Variants in RAB30 observed in about 807,000 individuals in gnomAD.
RAB30 encodes ras-related protein Rab-30.
RAB30 carries 9 observed loss-of-function variants against 25.1 expected under a neutral mutation model. The observed-to-expected ratio is 0.36, with a 90% CI of 0.22 to 0.63. The LOEUF (loss-of-function observed/expected upper bound fraction) is 0.63. RAB30 is among the 20% of genes least tolerant of loss of function. The probability of loss-of-function intolerance (pLI) is 0.69; values close to 1 mark genes in which losing one functional copy is unlikely to be tolerated. For synonymous variants in RAB30, 77 were observed against 86.4 expected, an observed-to-expected ratio of 0.89 and a Z score of 0.60; for missense variants, 140 against 243.5, an observed-to-expected ratio of 0.58 and a Z score of 2.83.
chr11:83,067,138 C>T (rs1254035651), intron 1 of RAB30, among the ~76,000 whole-genome samples: 4 of 152,160 alleles, frequency 2.6e-5, no homozygotes, highest in Admixed American at 6.5e-5. Flanking sequence ...CTAGTATTGC[C>T]AAAGTACCTC....
rs532398887 is a variant in RAB30, at chr11:82,994,831, G to A, written c.94-709C>T. On this transcript the variant is annotated intron_variant, in intron 2 of 4. Coordinates refer to ENST00000527633, the MANE Select transcript of RAB30 (RefSeq NM_001286060.2). ...ATTAAGTCATCAAGGAGACAGTAGG[G>A]TAGAAACAGCACTAAACCAGGAGGC... Among the ~76,000 whole-genome samples, 25 of 152,250 alleles carry A rather than the reference G, an allele frequency of 1.6e-4. 1 individual carries two copies. In the South Asian group the frequency reaches 4.6e-3, roughly 28 times the overall value.
rs187844103 is a variant in RAB30 at position 82,979,482 on chromosome 11, C to T, written c.*2683G>A. On this transcript the variant is annotated 3_prime_UTR_variant, in exon 5 of 5. Coordinates refer to ENST00000527633, the MANE Select transcript of RAB30 (RefSeq NM_001286060.2). ...TTGCCATGACAATAAGACTGTTAGG[C>T]AAACCAATAAATTTAGGTTCTGGCC... 1 of 152,196 alleles carries T rather than the reference C, an allele frequency of 6.6e-6. No individual in the cohort carries two copies. Among genetic ancestry groups the T allele is most frequent in the Admixed American group, 6.5e-5 (1 of 15,282 alleles). The allele number at this position is 152,196 out of a possible 1,614,324, so 9.4% of individuals were successfully genotyped here. A position where few individuals can be genotyped will look rare whatever the true frequency, so the allele number is the denominator to read the frequency against.
At chr11:83,063,879 G>C (rs1363500408) in intron 1 of RAB30, among the ~76,000 whole-genome samples, 1 of 152,094 alleles carries the variant, frequency 6.6e-6, no homozygotes. Context: ...CATTAAAACA[G>C]GTAAGTTGGA....
At position 83,012,805 on chromosome 11, in the gene RAB30, C is replaced by G. The variant is rs946232741; in HGVS notation, c.-8-15481G>C. Among the ~76,000 whole-genome samples the G allele has an allele frequency of 5.9e-5, 9 of 152,152 alleles. 2 individuals carry two copies. Among genetic ancestry groups the G allele is most frequent in the Admixed American group, 5.9e-4 (9 of 15,280 alleles). On this transcript the variant is annotated intron_variant, in intron 1 of 4. Coordinates refer to ENST00000527633, the MANE Select transcript of RAB30 (RefSeq NM_001286060.2). ...CAGAGCCCTCCACAGCCCAGCACCT[C>G]GTATCTTTCAGGCTTTGCTTCTCAT...
chr11:83,014,992 C>G (rs551617640), intron 1 of RAB30, among the ~76,000 whole-genome samples: 19 of 152,244 alleles, frequency 1.2e-4, no homozygotes, highest in African/African-American at 4.6e-4. Flanking sequence ...AGAAGGGACA[C>G]TGAGGCTGAG....
At chr11:83,071,632 G>A (rs1858850216) in intron 1 of RAB30, 59 bp downstream of exon 1, 1 of 153,002 alleles carries the variant, frequency 6.5e-6, no homozygotes, top group South Asian at 2.1e-4. Flanking sequence ...AGAAAGCCTT[G>A]AGAACTAAGC....
intron 1 of RAB30, among the ~76,000 whole-genome samples, chr11:83,022,325 A>G (rs1857599550): frequency 6.6e-6 from 1 of 152,096 alleles, no homozygotes; most frequent in Admixed American, 6.5e-5. Flanking sequence ...ACACTCAGCT[A>G]ATTTTTAAAT....
intron 1 of RAB30, among the ~76,000 whole-genome samples, chr11:82,998,546 T>TAAAA (rs34769119): frequency 9.3e-6 from 1 of 108,066 alleles, no homozygotes; most frequent in African/African-American, 3.4e-5. Context: ...AGACTCTGTC[T>TAAAA]AAAAAAAAAA....
In RAB30 at chr11:82,984,140, T is replaced by C. The variant is rs183404577; in HGVS notation, c.362-1725A>G. Among the ~76,000 whole-genome samples, 16 of 152,346 alleles carry C rather than the reference T, an allele frequency of 1.1e-4. No individual in the cohort carries two copies. In the East Asian group the frequency reaches 2.9e-3, roughly 27 times the overall value. ...TGACAAAGGTGTGTCAATTGTATTA[T>C]CTGGCAACACCGCTTATGGTAAAAA... On this transcript the variant is annotated intron_variant, in intron 4 of 4. Coordinates refer to ENST00000527633, the MANE Select transcript of RAB30 (RefSeq NM_001286060.2).
chr11:82,976,356 T>C lies in RAB30; in HGVS notation c.*5809A>G, dbSNP rs754830764. ...ATTTTCACAATAATCCTGACAGGTC[T>C]ATCTCATAGATGAGAAGATTGATGC... On this transcript the variant is annotated 3_prime_UTR_variant, in exon 5 of 5. Coordinates refer to ENST00000527633, the MANE Select transcript of RAB30 (RefSeq NM_001286060.2). The C allele has an allele frequency of 6.6e-6, 1 of 152,232 alleles. No homozygotes were observed. The highest frequency in any genetic ancestry group is 1.5e-5 in the Non-Finnish European group (1 of 68,034). 9.4% of individuals were successfully genotyped at this position (152,232 alleles called of 1,614,324 possible).
chr11:83,001,002 G>A (rs1015370169), intron 1 of RAB30, among the ~76,000 whole-genome samples: 6 of 132,588 alleles, frequency 4.5e-5, no homozygotes, highest in Non-Finnish European at 6.1e-5. Flanking sequence ...AGCTGAGATC[G>A]CGCCACAGCA....
chr11:83,027,819 C>T lies in RAB30; in HGVS notation c.-8-30495G>A, dbSNP rs142624634. ...GTCACTCTGCATTCCCCCCACTCCC[C>T]AGCCGCAAGTAACTACTAATCTATT... On this transcript the variant is annotated intron_variant, in intron 1 of 4. Transcript: ENST00000527633. Among the ~76,000 whole-genome samples the T allele has an allele frequency of 5.0e-3, 764 of 152,312 alleles. 7 individuals carry two copies. Among genetic ancestry groups the T allele is most frequent in the African/African-American group, 0.017 (715 of 41,576 alleles).
At chr11:83,007,728 C>T (rs1334824789) in intron 1 of RAB30, among the ~76,000 whole-genome samples, 1 of 152,204 alleles carries the variant, frequency 6.6e-6, no homozygotes, top group Non-Finnish European at 1.5e-5. Flanking sequence ...TGTTTCGTAC[C>T]ACAGCACCTG....
intron 1 of RAB30, among the ~76,000 whole-genome samples, chr11:83,017,421 G>C (rs926461651): frequency 6.6e-6 from 1 of 152,062 alleles, no homozygotes; most frequent in African/African-American, 2.4e-5. Flanking sequence ...GGAACAGGTG[G>C]TTTTTTGTTA....
intron 1 of RAB30, among the ~76,000 whole-genome samples, chr11:83,042,690 G>C (rs1858154026): frequency 6.6e-6 from 1 of 152,152 alleles, no homozygotes; most frequent in Non-Finnish European, 1.5e-5. Context: ...CTAAAATTAT[G>C]TGCCTCCTTT....
At chr11:83,010,240 C>G (rs1857275268) in intron 1 of RAB30, among the ~76,000 whole-genome samples, 1 of 152,142 alleles carries the variant, frequency 6.6e-6, no homozygotes, top group African/African-American at 2.4e-5. Flanking sequence ...CGCTTGAGGC[C>G]AGGAGTTTGA....
chr11:83,056,408 T>C (rs185496720), intron 1 of RAB30, among the ~76,000 whole-genome samples: 51 of 152,322 alleles, frequency 3.3e-4, no homozygotes, highest in Non-Finnish European at 6.6e-4. Context: ...ATACCACATT[T>C]TGTTTATCCA....
chr11:83,026,973 C>T (rs1375385442), intron 1 of RAB30, among the ~76,000 whole-genome samples: 1 of 152,124 alleles, frequency 6.6e-6, no homozygotes, highest in Non-Finnish European at 1.5e-5. Flanking sequence ...CAGGAACTGA[C>T]AGTACCTTGT....
intron 1 of RAB30, among the ~76,000 whole-genome samples, chr11:83,062,608 G>C (rs1254396341): frequency 6.6e-6 from 1 of 152,168 alleles, no homozygotes; most frequent in African/African-American, 2.4e-5. Flanking sequence ...TGAACCCTTT[G>C]ACAACAGAAT....
Sources: gnomAD v4.1 joint callset for allele counts (sites outside exome capture counted in the v4.1 genomes callset) on GRCh38, gnomAD v4.1.1 for gene constraint, MANE v1.5 for transcripts, NCBI Gene and HGNC (gene_info 2026-07-23, HGNC 2026-07-21) for gene names.